Variants in RALGAPA2 observed in about 807,000 individuals in gnomAD.
The protein encoded by RALGAPA2 is ral GTPase-activating protein subunit alpha-2.
Under a neutral mutation model 230.4 loss-of-function variants are expected in RALGAPA2, and 139 were observed. That is an observed-to-expected ratio of 0.60 (90% confidence interval 0.53 to 0.69). The LOEUF is 0.69. Among genes scored for constraint, RALGAPA2 ranks in the 30% least tolerant of loss-of-function variants. The pLI is 0.00. For synonymous variants in RALGAPA2, 847 were observed against 837.8 expected, an observed-to-expected ratio of 1.01 and a Z score of -0.19; for missense variants, 2,163 against 2,276.0, an observed-to-expected ratio of 0.95 and a Z score of 1.01.
chr20:20,472,114 CT>C (rs1249130492), intron 37 of RALGAPA2: 2 of 152,054 alleles, frequency 1.3e-5, no homozygotes, highest in Non-Finnish European at 2.9e-5. Flanking sequence ...TTTCTTATAA[CT>C]TGAGATCATG....
At chr20:20,512,226 CACACACACACACAT>C (rs1392221764) in intron 32 of RALGAPA2, among the ~76,000 whole-genome samples, 82 of 146,518 alleles carry the variant, frequency 5.6e-4, no homozygotes, top group African/African-American at 2.1e-3. Context: ...ACCCCCCCTA[CACACACACACACAT>C]ACACACACAC....
At chr20:20,535,696 ATG>A in intron 26 of RALGAPA2, 47 bp downstream of exon 26, 1 of 1,528,974 alleles carries the variant, frequency 6.5e-7, no homozygotes, top group East Asian at 2.5e-5. Flanking sequence ...TTACACATAA[ATG>A]TGTATCTTAA....
chr20:20,649,931 T>G (rs1443212396), intron 4 of RALGAPA2, among the ~76,000 whole-genome samples: 2 of 152,224 alleles, frequency 1.3e-5, no homozygotes, highest in East Asian at 3.8e-4. Context: ...TCCACCATGA[T>G]TTACTGGCCT....
chr20:20,688,449 C>T (rs942516531), intron 1 of RALGAPA2, among the ~76,000 whole-genome samples: 5 of 152,140 alleles, frequency 3.3e-5, no homozygotes, highest in African/African-American at 9.7e-5. Context: ...TGGCGTGAAA[C>T]TCGAGATCTG....
chr20:20,516,284 T>C (rs2062867745), intron 31 of RALGAPA2, among the ~76,000 whole-genome samples: 1 of 152,168 alleles, frequency 6.6e-6, no homozygotes, highest in Admixed American at 6.5e-5. Context: ...CATAAACTTG[T>C]GGGAGCTTTA....
intron 10 of RALGAPA2, 126 bp downstream of exon 10, chr20:20,629,237 T>C: frequency 1.3e-6 from 1 of 743,854 alleles, no homozygotes; most frequent in Non-Finnish European, 2.3e-6. Flanking sequence ...TTCTGTAACA[T>C]AACCCAACTC....
intron 26 of RALGAPA2, among the ~76,000 whole-genome samples, chr20:20,534,814 T>C (rs971389378): frequency 6.6e-6 from 1 of 152,212 alleles, no homozygotes; most frequent in African/African-American, 2.4e-5. Flanking sequence ...AGGAAAATTA[T>C]AGGCCATCAA....
chr20:20,466,770 C>T (rs1199269779), intron 37 of RALGAPA2, among the ~76,000 whole-genome samples: 1 of 152,204 alleles, frequency 6.6e-6, no homozygotes, highest in Non-Finnish European at 1.5e-5. Context: ...CCGAAATCCT[C>T]AGACATTGTT....
chr20:20,639,708 A>G (rs1195740506), intron 7 of RALGAPA2, 77 bp downstream of exon 7: 31 of 993,624 alleles, frequency 3.1e-5, no homozygotes, highest in Non-Finnish European at 4.7e-5. Context: ...ATAGATACAC[A>G]GAGGGAAAAG....
At chr20:20,628,644 G>A (rs754479572) in intron 10 of RALGAPA2, among the ~76,000 whole-genome samples, 13 of 152,144 alleles carry the variant, frequency 8.5e-5, no homozygotes, top group Admixed American at 3.9e-4. Context: ...CCCTGGCTGC[G>A]ACCCACTAAG....
At chr20:20,587,101 G>A (rs113081894) in intron 18 of RALGAPA2, among the ~76,000 whole-genome samples, 8 of 152,072 alleles carry the variant, frequency 5.3e-5, no homozygotes, top group South Asian at 2.1e-4. Flanking sequence ...ACAAACATAC[G>A]AACCAAAAGA....
At chr20:20,692,866 T>C (rs924733083) in intron 1 of RALGAPA2, among the ~76,000 whole-genome samples, 3 of 152,204 alleles carry the variant, frequency 2.0e-5, no homozygotes, top group African/African-American at 7.2e-5. Flanking sequence ...GGGGCCTCCC[T>C]GCCTTGGGAC....
At position 20,710,108 on chromosome 20, in the gene RALGAPA2, G is replaced by A. The variant is rs76653116; in HGVS notation, c.106+2267C>T. On this transcript the variant is annotated intron_variant, in intron 1 of 39. Transcript: ENST00000202677. ...TAGCTCAAGTCATGAAGCTGCAGGC[G>A]GCAGGGACAGGCTGCAAATACCCAA... is the stretch of plus-strand genomic sequence containing the variant. 4.9e-3 allele frequency among the ~76,000 whole-genome samples: 748 copies of A among 152,176 alleles called. 3 individuals carry two copies. The highest frequency in any genetic ancestry group is 0.013 in the African/African-American group (534 of 41,542).
rs1311362923 is a variant in RALGAPA2, at chr20:20,389,874, G to C, written c.*3415C>G. The C allele has an allele frequency of 6.6e-6, 1 of 151,768 alleles. No homozygotes were observed. The highest frequency in any genetic ancestry group is 1.5e-5 in the Non-Finnish European group (1 of 67,950). 9.4% of individuals were successfully genotyped at this position (151,768 alleles called of 1,614,324 possible). A position where few individuals can be genotyped will look rare whatever the true frequency, so the allele number is the denominator to read the frequency against. ...CAGCAAAATAAGAATCAAATGACAC[G>C]CTATAACTTAATTTACCATATTTAT... is the stretch of plus-strand genomic sequence containing the variant. On this transcript the variant is annotated 3_prime_UTR_variant, in exon 40 of 40. Coordinates refer to ENST00000202677, the MANE Select transcript of RALGAPA2 (RefSeq NM_020343.4).
At chr20:20,598,571 G>A in intron 16 of RALGAPA2, 1 of 312,182 alleles carries the variant, frequency 3.2e-6, no homozygotes, top group South Asian at 2.5e-5. Context: ...CTAGTGTAAT[G>A]GTCAGGCACG....
At chr20:20,491,336 G>A (rs2062051674) in intron 36 of RALGAPA2, among the ~76,000 whole-genome samples, 1 of 152,170 alleles carries the variant, frequency 6.6e-6, no homozygotes, top group African/African-American at 2.4e-5. Flanking sequence ...TCTGGTTGAG[G>A]TGAAGAGGAG....
chr20:20,712,341 G>T lies in RALGAPA2; in HGVS notation c.106+34C>A. On this transcript the variant is annotated intron_variant, in intron 1 of 39. Coordinates refer to ENST00000202677, the MANE Select transcript of RALGAPA2 (RefSeq NM_020343.4). This position sits in a 1 kb window ranked among gnomAD's most constrained non-coding sequence, Gnocchi z 5.5. The stretch of plus-strand genomic sequence containing the variant: ...CCTCCCGGCAGGTGCCCCTAACCCG[G>T]CGCCCCGACCCCCGCGCCCGGCGCG... 6.5e-7 allele frequency: 1 copy of T among 1,541,580 alleles called. No individual in the cohort carries two copies. Among genetic ancestry groups the T allele is most frequent in the Non-Finnish European group, 8.8e-7 (1 of 1,142,342 alleles).
intron 1 of RALGAPA2, among the ~76,000 whole-genome samples, chr20:20,687,261 C>T (rs553621941): frequency 6.6e-6 from 1 of 152,310 alleles, no homozygotes; most frequent in South Asian, 2.1e-4. Context: ...AGACACAAGA[C>T]AGAAAATGCA....
At chr20:20,549,101 CT>C (rs1473602959) in intron 23 of RALGAPA2, among the ~76,000 whole-genome samples, 1 of 152,124 alleles carries the variant, frequency 6.6e-6, no homozygotes, top group Non-Finnish European at 1.5e-5. Flanking sequence ...AAATAAGCCC[CT>C]TTTCACCACT....
Sources: allele counts gnomAD v4.1 joint callset (sites outside exome capture counted in the v4.1 genomes callset), GRCh38; gene constraint gnomAD v4.1.1; non-coding constraint Gnocchi (gnomAD v3.1); transcripts MANE v1.5; gene names NCBI Gene and HGNC (gene_info 2026-07-23, HGNC 2026-07-21).